ATG10: variants seen among roughly 807,000 people sequenced by gnomAD.
ATG10 encodes autophagy related 10.
In ATG10, 30 loss-of-function variants were observed where a neutral mutation model predicts 32.1. The ratio of observed to expected loss-of-function variants is 0.94; its 90% confidence interval spans 0.70 to 1.27. The LOEUF (loss-of-function observed/expected upper bound fraction) is 1.27, where lower values mean the gene tolerates loss of function less well. Among genes scored for constraint, ATG10 ranks in the 50% most tolerant of loss-of-function variants. The pLI, the probability that ATG10 is intolerant of heterozygous loss-of-function variation, is 0.00. For synonymous variants in ATG10, 87 were observed against 91.5 expected (o/e 0.95, Z 0.28); for missense variants, 233 against 262.3 (o/e 0.89, Z 0.77).
chr5:82,130,055 C>T (rs1210762653), intron 3 of ATG10, among the ~76,000 whole-genome samples: 6 of 152,176 alleles, frequency 3.9e-5, no homozygotes, highest in African/African-American at 1.4e-4. Context: ...AGAGGAGGAA[C>T]CTAGAGAGAC....
chr5:82,084,788 A>AT (rs1249242348), intron 3 of ATG10, among the ~76,000 whole-genome samples: 1 of 152,176 alleles, frequency 6.6e-6, no homozygotes, highest in Non-Finnish European at 1.5e-5. Flanking sequence ...ATGTTGAGAG[A>AT]TTTTGTCACC....
At chr5:82,027,138 C>G (rs971482089) in intron 2 of ATG10, among the ~76,000 whole-genome samples, 2 of 151,792 alleles carry the variant, frequency 1.3e-5, no homozygotes, top group Non-Finnish European at 2.9e-5. Flanking sequence ...GTGGTTCATG[C>G]ATGTAATCCC....
intron 5 of ATG10, among the ~76,000 whole-genome samples, chr5:82,188,279 CT>C (rs1744530178): frequency 6.6e-6 from 1 of 152,124 alleles, no homozygotes; most frequent in South Asian, 2.1e-4. Flanking sequence ...ATGTGTACAT[CT>C]GGTTGAGCAG....
chr5:82,098,319 T>TG (rs1156987934), intron 3 of ATG10, among the ~76,000 whole-genome samples: 1 of 145,398 alleles, frequency 6.9e-6, no homozygotes, highest in Non-Finnish European at 1.5e-5. Context: ...TTTTTTTTTT[T>TG]TTTTTTTTTT....
intron 5 of ATG10, among the ~76,000 whole-genome samples, chr5:82,236,997 C>T (rs1168477277): frequency 6.6e-6 from 1 of 152,120 alleles, no homozygotes; most frequent in African/African-American, 2.4e-5. Flanking sequence ...TTCTTTCCCC[C>T]CTTTTTTTCC....
intron 2 of ATG10, among the ~76,000 whole-genome samples, chr5:82,029,774 A>G (rs1762693989): frequency 6.6e-6 from 1 of 152,256 alleles, no homozygotes; most frequent in African/African-American, 2.4e-5. Flanking sequence ...ATGGGTATAG[A>G]TCAAAGTAAG....
rs575709344 is a variant in ATG10 at position 81,996,354 on chromosome 5, C to T, written c.108+8676C>T. Among the ~76,000 whole-genome samples the T allele has an allele frequency of 5.3e-5, 8 of 152,268 alleles. No homozygotes were observed. In the South Asian group the frequency reaches 1.7e-3, roughly 32 times the overall value. Reference sequence around the variant, plus strand: ...CTGGGCTGAAGGGATCTTCCTGTCTCAGCCTCCCCGAGTAGTTGGGACTAC... The same window carrying T: ...CTGGGCTGAAGGGATCTTCCTGTCTTAGCCTCCCCGAGTAGTTGGGACTAC... On this transcript the variant is annotated intron_variant, in intron 2 of 7. Transcript: ENST00000282185.
rs146735443 is a variant in ATG10 at position 82,242,302 on chromosome 5, G to T, written c.454-10260G>T. On this transcript the variant is annotated intron_variant, in intron 5 of 7. Coordinates refer to ENST00000282185, the MANE Select transcript of ATG10 (RefSeq NM_031482.5). Reference sequence around the variant, plus strand: ...TAAAGAGAGCATTAATGTATGAGAAGAATCTGAAGAATTGTATATATTGTA... The same window carrying T: ...TAAAGAGAGCATTAATGTATGAGAATAATCTGAAGAATTGTATATATTGTA... Among the ~76,000 whole-genome samples the T allele has an allele frequency of 2.6e-5, 4 of 152,158 alleles. No individual in the cohort carries two copies. In the East Asian group the frequency reaches 7.7e-4, roughly 29 times the overall value.
At chr5:82,173,575 C>A (rs554558724) in intron 4 of ATG10, among the ~76,000 whole-genome samples, 1 of 152,216 alleles carries the variant, frequency 6.6e-6, no homozygotes, top group Non-Finnish European at 1.5e-5. Context: ...ATATAAATGA[C>A]CTCAATTTAC....
intron 3 of ATG10, among the ~76,000 whole-genome samples, chr5:82,094,353 C>A (rs547916193): frequency 3.3e-5 from 5 of 152,212 alleles, no homozygotes; most frequent in African/African-American, 1.2e-4. Flanking sequence ...TAGAAATCTT[C>A]AGAAGCCTAA....
chr5:82,064,864 G>A (rs1033235356), intron 3 of ATG10, among the ~76,000 whole-genome samples: 1 of 152,058 alleles, frequency 6.6e-6, no homozygotes, highest in Non-Finnish European at 1.5e-5. Context: ...TAAGTGATTT[G>A]CATATATTAA....
At chr5:82,155,213 A>T (rs953881076) in intron 3 of ATG10, among the ~76,000 whole-genome samples, 1 of 152,222 alleles carries the variant, frequency 6.6e-6, no homozygotes, top group Non-Finnish European at 1.5e-5. Flanking sequence ...ACTTCAGCCC[A>T]TTGGATTTAA....
chr5:82,139,871 C>T (rs1766995752), intron 3 of ATG10, among the ~76,000 whole-genome samples: 2 of 144,234 alleles, frequency 1.4e-5, no homozygotes, highest in South Asian at 2.2e-4. Flanking sequence ...CGGCCAGCCG[C>T]CCCGTCCGGG....
intron 3 of ATG10, among the ~76,000 whole-genome samples, chr5:82,114,598 T>G (rs567868863): frequency 6.6e-6 from 1 of 152,104 alleles, no homozygotes; most frequent in East Asian, 1.9e-4. Context: ...ACAAATGAAC[T>G]TTGGAAGGAT....
At chr5:82,032,414 G>A (rs934985068) in intron 2 of ATG10, among the ~76,000 whole-genome samples, 4 of 151,020 alleles carry the variant, frequency 2.6e-5, no homozygotes, top group African/African-American at 9.8e-5. Flanking sequence ...TGATCTTTTT[G>A]GTGTCAGTTG....
intron 5 of ATG10, among the ~76,000 whole-genome samples, chr5:82,226,043 C>T (rs1402504259): frequency 6.6e-6 from 1 of 151,802 alleles, no homozygotes; most frequent in Non-Finnish European, 1.5e-5. Context: ...TTCTTACTTT[C>T]TCTCTCTCTC....
intron 2 of ATG10, among the ~76,000 whole-genome samples, chr5:82,023,785 T>TA (rs1435063855): frequency 5.6e-4 from 85 of 152,368 alleles, no homozygotes; most frequent in African/African-American, 1.7e-3. Context: ...TGGTTTTTGC[T>TA]ACTTTTCAGC....
chr5:81,988,518 C>G (rs1422646776), intron 2 of ATG10, among the ~76,000 whole-genome samples: 2 of 152,090 alleles, frequency 1.3e-5, no homozygotes, highest in East Asian at 1.9e-4. Flanking sequence ...ACTGCAATCT[C>G]CACCTCCTGG....
chr5:82,110,030 A>G (rs1264521264), intron 3 of ATG10, among the ~76,000 whole-genome samples: 1 of 147,704 alleles, frequency 6.8e-6, no homozygotes, highest in African/African-American at 2.5e-5. Context: ...ATTCCCACCT[A>G]TGCGTGAGAA....
Sources: allele counts gnomAD v4.1 joint callset (sites outside exome capture counted in the v4.1 genomes callset), GRCh38; gene constraint gnomAD v4.1.1; transcripts MANE v1.5; gene names NCBI Gene and HGNC (gene_info 2026-07-23, HGNC 2026-07-21).